LDHC: variants seen among roughly 807,000 people sequenced by gnomAD.
The protein encoded by LDHC is L-lactate dehydrogenase C chain.
In LDHC, 20 loss-of-function variants were observed where a neutral mutation model predicts 30.2. The ratio of observed to expected loss-of-function variants is 0.66; its 90% confidence interval spans 0.47 to 0.96. The LOEUF is 0.96. Ranked by LOEUF, LDHC falls within the 40% of genes least tolerant of loss-of-function variation. The probability of loss-of-function intolerance (pLI) is 0.00; values close to 1 mark genes in which losing one functional copy is unlikely to be tolerated. For missense variants in LDHC, 362 were observed against 394.9 expected (o/e 0.92, Z 0.71); for synonymous variants, 139 against 132.7 (o/e 1.05, Z -0.32).
At chr11:18,423,617 C>G (rs971935427) in intron 3 of LDHC, among the ~76,000 whole-genome samples, 7 of 152,084 alleles carry the variant, frequency 4.6e-5, no homozygotes, top group Non-Finnish European at 8.8e-5. Flanking sequence ...TCAAAATTTC[C>G]TTTAGAAGAT....
intron 4 of LDHC, among the ~76,000 whole-genome samples, chr11:18,434,217 A>ATTTTTTTTT (rs60806253): frequency 2.1e-5 from 3 of 146,078 alleles, no homozygotes; most frequent in Admixed American, 6.8e-5. Flanking sequence ...TTCTTGTATC[A>ATTTTTTTTT]TTTTTTTTTT....
rs769545568 is a variant in LDHC at position 18,412,724 on chromosome 11, A to T, written c.7A>T (p.Thr3Ser). The T allele has an allele frequency of 6.2e-7, 1 of 1,613,640 alleles. No individual in the cohort carries two copies. The highest frequency in any genetic ancestry group is 2.2e-5 in the East Asian group (1 of 44,870). MS[T>S]VKEQLIEKLI... ...TCCCTATCAGGTTCTCCAAATGTCA[A>T]CTGTCAAGGAGCAGCTAATTGAGAA... Residue 3 changes from threonine to serine, a missense_variant, in exon 2 of 8, where the codon ACT becomes TCT. Thr to Ser is a moderately conservative substitution (Grantham distance 58). Coordinates refer to ENST00000541669, the MANE Select transcript of LDHC (RefSeq NM_017448.5).
intron 4 of LDHC, among the ~76,000 whole-genome samples, chr11:18,432,662 G>A (rs1324841808): frequency 1.3e-5 from 2 of 152,130 alleles, no homozygotes; most frequent in Non-Finnish European, 2.9e-5. Context: ...GTGCATATAT[G>A]TTTAGGACTG....
At chr11:18,430,740 T>C (rs1848251200) in intron 4 of LDHC, among the ~76,000 whole-genome samples, 1 of 152,222 alleles carries the variant, frequency 6.6e-6, no homozygotes, top group Non-Finnish European at 1.5e-5. Context: ...TTTGGGCTAT[T>C]ATGAGTGAAA....
chr11:18,425,649 T>C (rs1015570957), intron 3 of LDHC, among the ~76,000 whole-genome samples: 5 of 152,144 alleles, frequency 3.3e-5, no homozygotes, highest in African/African-American at 1.2e-4. Context: ...ATTTTAAAAA[T>C]ACATTTTGTG....
At chr11:18,432,039 C>A (rs1848275600) in intron 4 of LDHC, among the ~76,000 whole-genome samples, 1 of 151,948 alleles carries the variant, frequency 6.6e-6, no homozygotes, top group Admixed American at 6.6e-5. Context: ...TTCTCTAGTT[C>A]CTTGAGGTGT....
rs1866912563 is a variant in LDHC at position 18,412,614 on chromosome 11, C to T, written c.-9-95C>T. 2.6e-6 allele frequency: 3 copies of T among 1,154,030 alleles called. No homozygotes were observed. The South Asian group carries it at 4.5e-5, about 17-fold the overall frequency. 71.5% of individuals were successfully genotyped at this position (1,154,030 alleles called of 1,614,324 possible). ...ACCAGGAAATTCTTTCTTTGGCTTC[C>T]CCCCATCCCCGGCTCCAACATTCTG... On this transcript the variant is annotated intron_variant, in intron 1 of 7. Transcript: ENST00000541669.
Position 18,451,028 on chromosome 11 carries a change from CT to C in LDHC, c.901del (p.Ser301GlnfsTer4), listed in dbSNP as rs571686217. On this transcript the variant is annotated frameshift_variant, in exon 8 of 8. Transcript: ENST00000541669. LOFTEE classifies it low-confidence loss of function (END_TRUNC). ...CTTGTGTCTTGGGGCGGAATGGTGTCTCAGATGTTGTGAAAATTAACTTGAA... is the reference window on the plus strand; with the variant it reads ...CTTGTGTCTTGGGGCGGAATGGTGTCCAGATGTTGTGAAAATTAACTTGAA... ...IPCVLGRNGV[S>X]DVVKINLNSE... 6.3e-7 allele frequency: 1 copy of C among 1,595,168 alleles called. No homozygotes were observed. Among genetic ancestry groups the C allele is most frequent in the South Asian group, 1.2e-5 (1 of 86,914 alleles).
At chr11:18,419,870 T>C (rs1461354556) in intron 3 of LDHC, among the ~76,000 whole-genome samples, 1 of 152,110 alleles carries the variant, frequency 6.6e-6, no homozygotes, top group Non-Finnish European at 1.5e-5. Flanking sequence ...GGCAGGTGGA[T>C]TGGTTGAGGT....
chr11:18,413,142 C>T (rs1476105556), intron 2 of LDHC, among the ~76,000 whole-genome samples: 2 of 151,056 alleles, frequency 1.3e-5, no homozygotes, highest in Non-Finnish European at 2.9e-5. Flanking sequence ...AGTGCAGTGG[C>T]GCGATCTTGG....
intron 6 of LDHC, among the ~76,000 whole-genome samples, chr11:18,443,022 A>G (rs1848494503): frequency 6.6e-6 from 1 of 152,156 alleles, no homozygotes; most frequent in South Asian, 2.1e-4. Context: ...TTTTAGGTCA[A>G]TTTACCAAAA....
intron 6 of LDHC, among the ~76,000 whole-genome samples, chr11:18,442,316 C>T (rs955146457): frequency 2.6e-5 from 4 of 152,200 alleles, no homozygotes; most frequent in African/African-American, 9.6e-5. Flanking sequence ...AGGTTATCTT[C>T]CCAGTTACTT....
At chr11:18,435,412 C>A (rs1848339079) in intron 5 of LDHC, among the ~76,000 whole-genome samples, 1 of 151,846 alleles carries the variant, frequency 6.6e-6, no homozygotes, top group Admixed American at 6.6e-5. Context: ...TGGCACCCCC[C>A]TCCCCGACCC....
chr11:18,421,419 A>G (rs960733801), intron 3 of LDHC, among the ~76,000 whole-genome samples: 1 of 151,884 alleles, frequency 6.6e-6, no homozygotes, highest in Non-Finnish European at 1.5e-5. Context: ...CACGCCAGTA[A>G]TCCTAGAACT....
chr11:18,431,191 C>T (rs1848259421), intron 4 of LDHC, among the ~76,000 whole-genome samples: 1 of 151,700 alleles, frequency 6.6e-6, no homozygotes, highest in Non-Finnish European at 1.5e-5. Context: ...GGCGTGGTGG[C>T]TCACACCTGT....
chr11:18,434,575 T>C (rs954991446), intron 4 of LDHC, among the ~76,000 whole-genome samples, 165 bp from the exon 5 acceptor site: 1 of 152,162 alleles, frequency 6.6e-6, no homozygotes, highest in Non-Finnish European at 1.5e-5. Context: ...CCTCCCAAAG[T>C]GCCAGGGGAT....
intron 3 of LDHC, among the ~76,000 whole-genome samples, chr11:18,419,555 A>G (rs1867081801): frequency 1.3e-5 from 2 of 152,216 alleles, no homozygotes; most frequent in African/African-American, 4.8e-5. Flanking sequence ...AACTTCCACA[A>G]ATAAACTTCC....
At chr11:18,440,215 G>T (rs1041866396) in intron 6 of LDHC, among the ~76,000 whole-genome samples, 5 of 151,690 alleles carry the variant, frequency 3.3e-5, no homozygotes, top group African/African-American at 1.2e-4. Context: ...TCAGGAGGCT[G>T]CGGCAGGAGA....
chr11:18,440,138 A>G (rs1204380750), intron 6 of LDHC, among the ~76,000 whole-genome samples: 1 of 139,358 alleles, frequency 7.2e-6, no homozygotes, highest in Non-Finnish European at 1.5e-5. Flanking sequence ...CGTCTCTACT[A>G]AAATACAAAA....
Sources: allele counts gnomAD v4.1 joint callset (sites outside exome capture counted in the v4.1 genomes callset), GRCh38; gene constraint gnomAD v4.1.1; transcripts MANE v1.5; gene names NCBI Gene and HGNC (gene_info 2026-07-23, HGNC 2026-07-21).